Variants in EGFR observed in about 807,000 individuals in gnomAD.
The protein encoded by EGFR is epidermal growth factor receptor.
A neutral mutation model predicts 143.0 loss-of-function variants in EGFR; 58 were observed. That is an observed-to-expected ratio of 0.41 (90% CI 0.33 to 0.50). The LOEUF is 0.50. Among genes scored for constraint, EGFR ranks in the 20% least tolerant of loss-of-function variants. The probability of loss-of-function intolerance (pLI) is 0.39; values close to 1 mark genes in which losing one functional copy is unlikely to be tolerated. For synonymous variants in EGFR, 613 were observed against 594.4 expected (o/e 1.03, Z -0.45); for missense variants, 1,307 against 1,579.0 (o/e 0.83, Z 2.92).
intron 1 of EGFR, among the ~76,000 whole-genome samples, chr7:55,110,330 T>C (rs2128907294): frequency 6.6e-6 from 1 of 152,336 alleles, no homozygotes; most frequent in South Asian, 2.1e-4. Context: ...TGGATGTCTC[T>C]GTGACTTGAT....
chr7:55,110,176 C>T (rs2058502), intron 1 of EGFR, among the ~76,000 whole-genome samples: 89,871 of 151,992 alleles, frequency 0.59, 27,715 homozygotes, highest in East Asian at 0.9. Flanking sequence ...GAATATGTAA[C>T]ATATCCCATG....
intron 5 of EGFR, chr7:55,152,254 AT>A (rs1453058076): frequency 5.4e-6 from 3 of 560,716 alleles, no homozygotes; most frequent in African/African-American, 3.7e-5. Context: ...CCCAGCAGGT[AT>A]TTTTGTTCTT....
chr7:55,105,917 T>C (rs1404389646), intron 1 of EGFR, among the ~76,000 whole-genome samples: 1 of 152,230 alleles, frequency 6.6e-6, no homozygotes, highest in Non-Finnish European at 1.5e-5. Flanking sequence ...TTTTATTCTT[T>C]CCTGTGAGAT....
intron 20 of EGFR, chr7:55,181,723 G>A (rs1786889391): frequency 3.5e-6 from 2 of 576,340 alleles, no homozygotes; most frequent in Admixed American, 2.9e-5. Flanking sequence ...TCTTTATTGA[G>A]TGCTCAGTGT....
intron 1 of EGFR, among the ~76,000 whole-genome samples, chr7:55,021,337 T>A (rs1167233077): frequency 6.6e-6 from 1 of 152,240 alleles, no homozygotes; most frequent in Non-Finnish European, 1.5e-5. Context: ...AAGAGACTCT[T>A]CTCTTTATTT....
intron 1 of EGFR, among the ~76,000 whole-genome samples, chr7:55,067,085 T>C (rs1789549863): frequency 6.6e-6 from 1 of 152,130 alleles, no homozygotes; most frequent in Non-Finnish European, 1.5e-5. Context: ...CAGTGACATC[T>C]CTCCTGCAGC....
chr7:55,076,564 C>T (rs1263859113), intron 1 of EGFR, among the ~76,000 whole-genome samples: 1 of 152,168 alleles, frequency 6.6e-6, no homozygotes, highest in East Asian at 1.9e-4. Context: ...TTTACACATA[C>T]ACACCAACCA....
intron 1 of EGFR, among the ~76,000 whole-genome samples, chr7:55,120,204 CCA>C (rs1793116647): frequency 6.6e-6 from 1 of 152,146 alleles, no homozygotes; most frequent in African/African-American, 2.4e-5. Context: ...GACAGGATGA[CCA>C]AGAGCACTCT....
intron 15 of EGFR, 61 bp from the exon 16 acceptor site, chr7:55,171,114 C>CA: frequency 6.2e-7 from 1 of 1,610,018 alleles, no homozygotes; most frequent in Admixed American, 1.7e-5. Context: ...TAAAAATCTC[C>CA]AAAATATATG....
intron 1 of EGFR, among the ~76,000 whole-genome samples, chr7:55,063,681 G>A (rs1789333390): frequency 6.6e-6 from 1 of 152,184 alleles, no homozygotes; most frequent in African/African-American, 2.4e-5. Context: ...CATGGGCATG[G>A]ACGTAAATAC....
At position 55,198,704 on chromosome 7, in the gene EGFR, T is replaced by G. The variant is rs777793804; in HGVS notation, c.2702-13T>G. 1.2e-6 allele frequency: 2 copies of G among 1,614,232 alleles called. No homozygotes were observed. The highest frequency in any genetic ancestry group is 2.2e-5 in the East Asian group (1 of 44,888). On this transcript the variant is annotated splice_polypyrimidine_tract_variant and intron_variant, in intron 22 of 27. Transcript: ENST00000275493. ...TGATCCCACTGCCTTCTTTTCTTGC[T>G]TCATCCTCTCAGGGGTGACTGTTTG...
intron 1 of EGFR, among the ~76,000 whole-genome samples, chr7:55,064,466 T>A (rs541300607): frequency 6.6e-6 from 1 of 152,268 alleles, no homozygotes; most frequent in East Asian, 1.9e-4. Flanking sequence ...TGTTTCAGAG[T>A]CCATTTTCCC....
chr7:55,194,027 C>T (rs1787510254), intron 22 of EGFR, among the ~76,000 whole-genome samples: 1 of 152,102 alleles, frequency 6.6e-6, no homozygotes, highest in Non-Finnish European at 1.5e-5. Flanking sequence ...TCTGCTGATG[C>T]ATTGTTATTT....
intron 26 of EGFR, among the ~76,000 whole-genome samples, chr7:55,202,217 C>T (rs1319300764): frequency 6.6e-6 from 1 of 152,252 alleles, no homozygotes; most frequent in Non-Finnish European, 1.5e-5. Flanking sequence ...AATTCAGTTT[C>T]TCACACATGT....
rs17337289 is a variant in EGFR, at chr7:55,190,871, G to C, written c.2470-848G>C. On this transcript the variant is annotated intron_variant, in intron 20 of 27. Coordinates refer to ENST00000275493, the MANE Select transcript of EGFR (RefSeq NM_005228.5). ...AGAGAGATGCAGGCTGCCATTCTTA[G>C]GCCAAAGCCTGGGACAGTTGGGCTC... 5.9e-5 allele frequency among the ~76,000 whole-genome samples: 9 copies of C among 152,140 alleles called. No individual in the cohort carries two copies. In the South Asian group the frequency reaches 1.9e-3, roughly 32 times the overall value.
At chr7:55,056,410 T>C (rs910981138) in intron 1 of EGFR, among the ~76,000 whole-genome samples, 1 of 152,222 alleles carries the variant, frequency 6.6e-6, no homozygotes, top group African/African-American at 2.4e-5. Flanking sequence ...TCCTCAGAAA[T>C]ATACTTCCTG....
chr7:55,024,281 G>A (rs1413440089), intron 1 of EGFR, among the ~76,000 whole-genome samples: 1 of 152,216 alleles, frequency 6.6e-6, no homozygotes, highest in Admixed American at 6.5e-5. Context: ...TGTGGACTGA[G>A]CATCTGTGAA....
At chr7:55,099,971 G>C (rs1367511791) in intron 1 of EGFR, among the ~76,000 whole-genome samples, 1 of 152,190 alleles carries the variant, frequency 6.6e-6, no homozygotes, top group Admixed American at 6.5e-5. Context: ...ATACAAGGGG[G>C]GCTGCATCTT....
At chr7:55,127,522 G>A (rs1174130979) in intron 1 of EGFR, among the ~76,000 whole-genome samples, 1 of 131,704 alleles carries the variant, frequency 7.6e-6, no homozygotes, top group East Asian at 2.4e-4. Flanking sequence ...TGTTACAAAA[G>A]TTAATTGCAC....
Sources: allele counts gnomAD v4.1 joint callset (sites outside exome capture counted in the v4.1 genomes callset), GRCh38; gene constraint gnomAD v4.1.1; transcripts MANE v1.5; gene names NCBI Gene and HGNC (gene_info 2026-07-23, HGNC 2026-07-21).